Variants in ST7 observed in about 807,000 individuals in gnomAD.
The protein encoded by ST7 is suppressor of tumorigenicity 7 protein.
Under a neutral mutation model 78.7 loss-of-function variants are expected in ST7, and 28 were observed. That is an observed-to-expected ratio of 0.36 (90% CI 0.26 to 0.49). The LOEUF is 0.49. ST7 is among the 20% of genes least tolerant of loss of function. The probability of loss-of-function intolerance (pLI) is 0.99; values close to 1 mark genes in which losing one functional copy is unlikely to be tolerated. For synonymous variants in ST7, 247 were observed against 249.6 expected (o/e 0.99, Z 0.10); for missense variants, 418 against 696.0 (o/e 0.60, Z 4.49).
At chr7:116,961,594 G>GTGTGTGTGTGTGT (rs1288812575) in intron 1 of ST7, among the ~76,000 whole-genome samples, 2 of 142,052 alleles carry the variant, frequency 1.4e-5, no homozygotes, top group African/African-American at 5.2e-5. Context: ...GTGTGTGTGT[G>GTGTGTGTGTGTGT]GTGGGGGGCA....
At chr7:117,134,782 G>T (rs889109775) in intron 7 of ST7, among the ~76,000 whole-genome samples, 8 of 152,014 alleles carry the variant, frequency 5.3e-5, no homozygotes, top group African/African-American at 1.9e-4. Flanking sequence ...AGTCATGGAT[G>T]CTGCCATCTG....
chr7:117,043,487 T>C (rs1232020106), intron 1 of ST7, among the ~76,000 whole-genome samples: 1 of 152,204 alleles, frequency 6.6e-6, no homozygotes, highest in African/African-American at 2.4e-5. Flanking sequence ...TCAAGAAATA[T>C]TTACTTGATT....
chr7:117,100,923 T>C (rs1292124187), intron 2 of ST7, among the ~76,000 whole-genome samples: 1 of 151,976 alleles, frequency 6.6e-6, no homozygotes, highest in Non-Finnish European at 1.5e-5. Flanking sequence ...TTTTACAGAG[T>C]TGATGTTAAG....
chr7:117,054,124 C>A (rs1179195760), intron 1 of ST7, among the ~76,000 whole-genome samples: 1 of 152,142 alleles, frequency 6.6e-6, no homozygotes, highest in Non-Finnish European at 1.5e-5. Context: ...AGGCATGAGC[C>A]ACCGTGCCCG....
At position 116,979,958 on chromosome 7, in the gene ST7, C is replaced by CTTTTTTTTTTTTTTTTTTTTT. The variant is rs745530832; in HGVS notation, c.151+26284_151+26285insTTTTTTTTTTTTTTTTTTTTT. On this transcript the variant is annotated intron_variant, in intron 1 of 15. Coordinates refer to ENST00000323984, the MANE Select transcript of ST7 (RefSeq NM_001369598.1). ...CCTTTTTTCTTTTTCTTTTGTTTCT[C>CTTTTTTTTTTTTTTTTTTTTT]TTTTTTTTTTTTTTTTTGGAGACAG... is the stretch of plus-strand genomic sequence containing the variant. Among the ~76,000 whole-genome samples the CTTTTTTTTTTTTTTTTTTTTT allele has an allele frequency of 1.0e-4, 9 of 86,236 alleles. 1 individual carries two copies. Among genetic ancestry groups the CTTTTTTTTTTTTTTTTTTTTT allele is most frequent in the African/African-American group, 2.7e-4 (6 of 22,496 alleles). The allele number at this position is 86,236 out of a possible 152,430, so 56.6% of individuals were successfully genotyped here.
In ST7 at chr7:117,095,540, A is replaced by G. The variant is rs149987858; in HGVS notation, c.152-4222A>G. 2.0e-3 allele frequency among the ~76,000 whole-genome samples: 310 copies of G among 152,340 alleles called. 2 individuals are homozygous for G. The highest frequency in any genetic ancestry group is 0.014 in the Middle Eastern group (4 of 294). On this transcript the variant is annotated intron_variant, in intron 1 of 15. Transcript: ENST00000323984. Reference sequence around the variant, plus strand: ...GAAGGTTCAGCATCTTCAGAACTCTACATGATGCATTCCCTGAGGCTGCCT... The same window carrying G: ...GAAGGTTCAGCATCTTCAGAACTCTGCATGATGCATTCCCTGAGGCTGCCT...
intron 3 of ST7, among the ~76,000 whole-genome samples, chr7:117,121,623 T>C (rs961743386): frequency 6.6e-6 from 1 of 152,156 alleles, no homozygotes; most frequent in African/African-American, 2.4e-5. Flanking sequence ...GCTCTCTCCT[T>C]AAAGGGGCAA....
chr7:117,055,315 C>T (rs1038721610), intron 1 of ST7, among the ~76,000 whole-genome samples: 1 of 152,052 alleles, frequency 6.6e-6, no homozygotes, highest in Admixed American at 6.6e-5. Context: ...CAATTCTCCT[C>T]CCTCAGCCTC....
chr7:116,974,757 A>T (rs1793612020), intron 1 of ST7, among the ~76,000 whole-genome samples: 1 of 152,222 alleles, frequency 6.6e-6, no homozygotes, highest in African/African-American at 2.4e-5. Context: ...TTACTTCATT[A>T]AATCCTCTAC....
chr7:117,160,828 G>T (rs1300393299), intron 9 of ST7, among the ~76,000 whole-genome samples: 1 of 151,942 alleles, frequency 6.6e-6, no homozygotes, highest in African/African-American at 2.4e-5. Context: ...GGTTAGACAG[G>T]GAAGGGACTT....
At chr7:117,119,945 T>C (rs1803227042) in intron 3 of ST7, among the ~76,000 whole-genome samples, 1 of 151,904 alleles carries the variant, frequency 6.6e-6, no homozygotes, top group Non-Finnish European at 1.5e-5. Context: ...CTTTTTTTTT[T>C]TATGTGAGAG....
intron 1 of ST7, among the ~76,000 whole-genome samples, chr7:117,097,908 A>ATATATATATAT: frequency 3.3e-5 from 1 of 30,014 alleles, no homozygotes; most frequent in Admixed American, 5.5e-4. Flanking sequence ...ATATATATAT[A>ATATATATATAT]TTTTTTTTTT....
At chr7:116,987,632 C>G (rs1794242506) in intron 1 of ST7, among the ~76,000 whole-genome samples, 1 of 152,202 alleles carries the variant, frequency 6.6e-6, no homozygotes, top group South Asian at 2.1e-4. Flanking sequence ...GGCTTAGATA[C>G]CTCAAAGGAA....
At position 117,113,451 on chromosome 7, in the gene ST7, A is replaced by G. The variant is rs145525758; in HGVS notation, c.235-6110A>G. On this transcript the variant is annotated intron_variant, in intron 2 of 15. Coordinates refer to ENST00000323984, the MANE Select transcript of ST7 (RefSeq NM_001369598.1). ...AGAAAAGAAAAAGGAAAAGAAAGAGAGAAGAGGAAGACTGCAACCTTCTTT... is the reference window on the plus strand; with the variant it reads ...AGAAAAGAAAAAGGAAAAGAAAGAGGGAAGAGGAAGACTGCAACCTTCTTT... Among the ~76,000 whole-genome samples the G allele has an allele frequency of 2.6e-3, 394 of 152,240 alleles. 1 individual carries two copies. The highest frequency in any genetic ancestry group is 8.7e-3 in the African/African-American group (361 of 41,534).
intron 9 of ST7, among the ~76,000 whole-genome samples, chr7:117,147,544 A>G (rs996750039): frequency 1.3e-5 from 2 of 152,056 alleles, no homozygotes; most frequent in Middle Eastern, 3.4e-3. Context: ...TAAAAATACT[A>G]TGTAGTTTTT....
intron 1 of ST7, among the ~76,000 whole-genome samples, chr7:116,983,664 G>A (rs778581189): frequency 6.6e-6 from 1 of 151,982 alleles, no homozygotes; most frequent in African/African-American, 2.4e-5. Context: ...CATCGATGCT[G>A]TCCTCACCTT....
At chr7:117,222,725 C>T in intron 15 of ST7, 1 of 718,294 alleles carries the variant, frequency 1.4e-6, no homozygotes, top group East Asian at 2.6e-5. Flanking sequence ...CTGATCTTGC[C>T]ACAGATGAGT....
At chr7:117,220,009 C>G (rs908486692) in intron 14 of ST7, among the ~76,000 whole-genome samples, 7 of 152,214 alleles carry the variant, frequency 4.6e-5, no homozygotes, top group African/African-American at 9.7e-5. Context: ...CAAATTTTAG[C>G]TCTTCTCCCT....
chr7:116,986,502 G>C (rs947970395), intron 1 of ST7, among the ~76,000 whole-genome samples: 21 of 152,158 alleles, frequency 1.4e-4, no homozygotes, highest in South Asian at 4.1e-4. Flanking sequence ...CATTTTCTGA[G>C]AATGCCACTG....
Sources: allele counts gnomAD v4.1 joint callset (sites outside exome capture counted in the v4.1 genomes callset), GRCh38; gene constraint gnomAD v4.1.1; transcripts MANE v1.5; gene names NCBI Gene and HGNC (gene_info 2026-07-23, HGNC 2026-07-21).